CCDC3: variants seen among roughly 807,000 people sequenced by gnomAD.
CCDC3 encodes the protein coiled-coil domain containing 3, also known as coiled-coil domain-containing protein 3.
A neutral mutation model predicts 21.4 loss-of-function variants in CCDC3; 24 were observed. The ratio of observed to expected loss-of-function variants is 1.12; its 90% CI spans 0.81 to 1.58. The LOEUF (loss-of-function observed/expected upper bound fraction) is 1.58, where lower values mean the gene tolerates loss of function less well. Ranked by LOEUF, CCDC3 falls within the 40% of genes most tolerant of loss-of-function variation. The pLI, the probability that CCDC3 is intolerant of heterozygous loss-of-function variation, is 0.00. For synonymous variants in CCDC3, 186 were observed against 166.0 expected (o/e 1.12, Z -0.93); for missense variants, 425 against 360.9 (o/e 1.18, Z -1.44).
At chr10:13,096,571 T>C (rs1373696885) in intron 3 of CCDC3, among the ~76,000 whole-genome samples, 1 of 152,090 alleles carries the variant, frequency 6.6e-6, no homozygotes, top group Admixed American at 6.5e-5. Flanking sequence ...CCTACGGCCA[T>C]GCAAAACTCC....
intron 4 of CCDC3, among the ~76,000 whole-genome samples, chr10:13,055,658 TTGG>T (rs145928661): frequency 0.02 from 3,010 of 152,250 alleles, 99 homozygotes; most frequent in African/African-American, 0.069. Context: ...TGAGAAATTG[TTGG>T]TGGCTAGCTT....
At chr10:12,959,095 C>T (rs1683135734) in intron 2 of CCDC3, among the ~76,000 whole-genome samples, 1 of 152,098 alleles carries the variant, frequency 6.6e-6, no homozygotes, top group Non-Finnish European at 1.5e-5. Context: ...CAGATTCCTA[C>T]CACTGCCCCA....
chr10:12,978,233 G>A (rs1452956842), intron 2 of CCDC3, among the ~76,000 whole-genome samples: 2 of 151,832 alleles, frequency 1.3e-5, no homozygotes, highest in African/African-American at 4.8e-5. Context: ...TGGTCAGGCT[G>A]GTCTCAAACT....
intron 2 of CCDC3, among the ~76,000 whole-genome samples, chr10:12,900,672 C>CAAAG (rs1834079166): frequency 9.6e-6 from 1 of 104,012 alleles, no homozygotes; most frequent in Non-Finnish European, 1.8e-5. Flanking sequence ...GCCTGGGTGA[C>CAAAG]AAAGAGACAC....
chr10:13,044,889 C>G (rs1446573341), intron 5 of CCDC3, among the ~76,000 whole-genome samples: 1 of 152,028 alleles, frequency 6.6e-6, no homozygotes, highest in Non-Finnish European at 1.5e-5. Context: ...GCAGTATGGC[C>G]ATTTAACATA....
chr10:12,950,139 C>T (rs569969437), intron 2 of CCDC3, among the ~76,000 whole-genome samples: 101 of 152,322 alleles, frequency 6.6e-4, no homozygotes, highest in African/African-American at 1.2e-3. Flanking sequence ...CTTGTAAAAG[C>T]TTTCCTTGCC....
intron 2 of CCDC3, among the ~76,000 whole-genome samples, chr10:12,904,485 A>AAAAAAAAAAAAAAAAAAAAC (rs1834142043): frequency 6.7e-6 from 1 of 148,824 alleles, no homozygotes; most frequent in East Asian, 1.9e-4. Flanking sequence ...AAAAAAAAAA[A>AAAAAAAAAAAAAAAAAAAAC]AAAAAAGACT....
intron 4 of CCDC3, among the ~76,000 whole-genome samples, chr10:13,063,853 G>A (rs564826389): frequency 2.0e-5 from 3 of 152,226 alleles, no homozygotes; most frequent in South Asian, 2.1e-4. Flanking sequence ...TTTTTATCCC[G>A]AGGAAGATTT....
At chr10:13,072,858 C>CTTTTTTTTTTTTTT (rs1482745185) in intron 4 of CCDC3, among the ~76,000 whole-genome samples, 3 of 96,730 alleles carry the variant, frequency 3.1e-5, no homozygotes, top group Non-Finnish European at 6.0e-5. Context: ...CTTTTCTTTT[C>CTTTTTTTTTTTTTT]TTTTCTTTCT....
At chr10:12,916,323 T>C (rs1223755351) in intron 2 of CCDC3, among the ~76,000 whole-genome samples, 1 of 151,156 alleles carries the variant, frequency 6.6e-6, no homozygotes, top group East Asian at 2.0e-4. Context: ...TCCCAGCTAC[T>C]CAGGAGGCTG....
chr10:13,072,867 C>CTTTTTTTTTTT (rs144915227), intron 4 of CCDC3, among the ~76,000 whole-genome samples: 1 of 118,026 alleles, frequency 8.5e-6, no homozygotes, highest in Non-Finnish European at 1.7e-5. Flanking sequence ...TCTTTTCTTT[C>CTTTTTTTTTTT]TTTTTTTTTT....
At chr10:12,912,373 G>C (rs1681111152) in intron 2 of CCDC3, among the ~76,000 whole-genome samples, 1 of 152,180 alleles carries the variant, frequency 6.6e-6, no homozygotes, top group Non-Finnish European at 1.5e-5. Flanking sequence ...TCCCTGATTA[G>C]TGATGTTGAA....
At chr10:12,956,604 G>A (rs1030270479) in intron 2 of CCDC3, among the ~76,000 whole-genome samples, 1 of 152,068 alleles carries the variant, frequency 6.6e-6, no homozygotes. Flanking sequence ...GCTTCTGTTG[G>A]CTTGGTTTAT....
chr10:13,044,615 T>C (rs1836500573), intron 5 of CCDC3, among the ~76,000 whole-genome samples: 1 of 152,186 alleles, frequency 6.6e-6, no homozygotes, highest in Admixed American at 6.5e-5. Flanking sequence ...CTTTCCCCAT[T>C]GCTTATTTTT....
upstream of CCDC3, among the ~76,000 whole-genome samples, chr10:13,002,112 G>C (rs1025542986): frequency 6.6e-6 from 1 of 152,190 alleles, no homozygotes; most frequent in East Asian, 1.9e-4. Context: ...CAGAGATTAG[G>C]AAATTCAGTG....
rs555913884 is a variant in CCDC3 at position 13,085,643 on chromosome 10, T to C, written c.-502-11543A>G. ...CTCCCTCCTTTCCAGGCAGAAAACTTTCAAATATTCCATAAAACATCAGAA... is the reference window on the plus strand; with the variant it reads ...CTCCCTCCTTTCCAGGCAGAAAACTCTCAAATATTCCATAAAACATCAGAA... On this transcript the variant is annotated intron_variant, in intron 3 of 6. Coordinates refer to the CCDC3 transcript ENST00000378839. 3.9e-5 allele frequency among the ~76,000 whole-genome samples: 6 copies of C among 152,238 alleles called. No homozygotes were observed. In the East Asian group the frequency reaches 9.6e-4, roughly 24 times the overall value.
chr10:12,936,994 C>T (rs1429464328), intron 2 of CCDC3, among the ~76,000 whole-genome samples: 1 of 152,176 alleles, frequency 6.6e-6, no homozygotes, highest in African/African-American at 2.4e-5. Flanking sequence ...CTCTTCCTGG[C>T]AGCACAAGGG....
At chr10:12,923,965 AC>A (rs760849193) in intron 2 of CCDC3, among the ~76,000 whole-genome samples, 96 of 152,218 alleles carry the variant, frequency 6.3e-4, no homozygotes, top group Non-Finnish European at 1.2e-3. Flanking sequence ...CCAGGGGTGA[AC>A]GGAACTTCAC....
At chr10:13,078,855 T>C (rs1836997862) in intron 3 of CCDC3, among the ~76,000 whole-genome samples, 1 of 135,084 alleles carries the variant, frequency 7.4e-6, no homozygotes, top group African/African-American at 2.8e-5. Flanking sequence ...CAACGGGGCC[T>C]GTCGTGGGGT....
Sources: allele counts gnomAD v4.1 joint callset (sites outside exome capture counted in the v4.1 genomes callset), GRCh38; gene constraint gnomAD v4.1.1; transcripts MANE v1.5; gene names NCBI Gene and HGNC (gene_info 2026-07-23, HGNC 2026-07-21).